DDX46: variants seen among roughly 807,000 people sequenced by gnomAD.
DDX46 encodes the protein probable ATP-dependent RNA helicase DDX46.
A neutral mutation model predicts 134.9 loss-of-function variants in DDX46; 30 were observed. The observed-to-expected ratio is 0.22, with a 90% CI of 0.17 to 0.30. The LOEUF is 0.30. Ranked by LOEUF, DDX46 falls within the 10% of genes least tolerant of loss-of-function variation. The pLI is 1.00. For missense variants in DDX46, 622 were observed against 1,248.7 expected (o/e 0.50, Z 7.56); for synonymous variants, 415 against 404.1 (o/e 1.03, Z -0.32).
intron 18 of DDX46, 122 bp downstream of exon 18, chr5:134,811,967 G>A: frequency 8.2e-7 from 1 of 1,222,232 alleles, no homozygotes; most frequent in Non-Finnish European, 1.1e-6. Flanking sequence ...GTTGGTTCCA[G>A]AACAGTTTTG....
At chr5:134,810,129 C>T (rs1351762898) in intron 16 of DDX46, among the ~76,000 whole-genome samples, 2 of 151,900 alleles carry the variant, frequency 1.3e-5, no homozygotes, top group Admixed American at 1.3e-4. Flanking sequence ...CCCAGGCTGG[C>T]CTCCAACTCC....
chr5:134,779,946 A>G (rs554203269), intron 6 of DDX46, among the ~76,000 whole-genome samples: 8 of 152,220 alleles, frequency 5.3e-5, no homozygotes, highest in Admixed American at 2.6e-4. Flanking sequence ...TAAAAATACA[A>G]GAATTAGCTG....
In DDX46 at chr5:134,779,053, C is replaced by T. The variant is rs180772594; in HGVS notation, c.765+1328C>T. On this transcript the variant is annotated intron_variant, in intron 6 of 22. Transcript: ENST00000452510. ...CTGGGATTACAGGCCCTTGCCACCACGCCCAGCTAATTTTTGTATTTTTAG... is the reference window on the plus strand; with the variant it reads ...CTGGGATTACAGGCCCTTGCCACCATGCCCAGCTAATTTTTGTATTTTTAG... Among the ~76,000 whole-genome samples the T allele has an allele frequency of 8.6e-3, 1,294 of 150,626 alleles. 5 individuals are homozygous for T. Among genetic ancestry groups the T allele is most frequent in the Middle Eastern group, 0.042 (12 of 286 alleles).
intron 14 of DDX46, 117 bp downstream of exon 14, chr5:134,795,131 C>A: frequency 8.6e-7 from 1 of 1,164,004 alleles, no homozygotes. Flanking sequence ...AAGTCGTATA[C>A]CACTACTCTA....
In DDX46 at chr5:134,758,787, G is replaced by T. The variant is rs1252526959; in HGVS notation, c.-152G>T. 5 of 1,245,172 alleles carry T rather than the reference G, an allele frequency of 4.0e-6. No individual in the cohort carries two copies. The Middle Eastern group carries it at 7.0e-4, about 175-fold the overall frequency. The allele number at this position is 1,245,172 out of a possible 1,614,324, so 77.1% of individuals were successfully genotyped here. A position where few individuals can be genotyped will look rare whatever the true frequency, so the allele number is the denominator to read the frequency against. ...GCCGGCGCCAGCACGTCCTGTTTTC[G>T]TTGGCCGCGCTGGGATGGCCGCCAC... On this transcript the variant is annotated 5_prime_UTR_variant, in exon 1 of 23. Coordinates refer to ENST00000452510, the MANE Select transcript of DDX46 (RefSeq NM_001300860.2).
At chr5:134,783,668 G>A (rs1162428655) in intron 9 of DDX46, among the ~76,000 whole-genome samples, 1 of 145,452 alleles carries the variant, frequency 6.9e-6, no homozygotes, top group East Asian at 2.1e-4. Flanking sequence ...TTTTGCCTCA[G>A]CCTCCCAAGT....
In DDX46 at chr5:134,781,635, CCTT is replaced by C. The variant is rs112226704; in HGVS notation, c.880-283_880-281del. ...TTTTAGCTTTATATTGGCATTTTAACCTTCTAAAGGCAAAGAAAAAAAAACTAA... is the reference window on the plus strand; with the variant it reads ...TTTTAGCTTTATATTGGCATTTTAACCTAAAGGCAAAGAAAAAAAAACTAA... On this transcript the variant is annotated intron_variant, in intron 7 of 22. Coordinates refer to ENST00000452510, the MANE Select transcript of DDX46 (RefSeq NM_001300860.2). Among the ~76,000 whole-genome samples the C allele has an allele frequency of 2.4e-3, 371 of 152,194 alleles. 1 individual carries two copies. Among genetic ancestry groups the C allele is most frequent in the African/African-American group, 8.5e-3 (352 of 41,516 alleles).
intron 1 of DDX46, among the ~76,000 whole-genome samples, chr5:134,761,699 G>A (rs1037237029): frequency 3.3e-5 from 5 of 152,058 alleles, no homozygotes; most frequent in African/African-American, 1.2e-4. Flanking sequence ...TTCCCATCTT[G>A]GTAAATGGCA....
chr5:134,770,783 C>A, intron 3 of DDX46, 120 bp from the exon 4 acceptor site: 1 of 810,588 alleles, frequency 1.2e-6, no homozygotes, highest in East Asian at 3.4e-5. Flanking sequence ...TTTCACTCCA[C>A]TCCAGTCTGG....
chr5:134,795,693 C>T (rs1387905876), intron 14 of DDX46, among the ~76,000 whole-genome samples: 1 of 151,948 alleles, frequency 6.6e-6, no homozygotes, highest in African/African-American at 2.4e-5. Flanking sequence ...TAGTGAGACC[C>T]CTGTCTCTAC....
chr5:134,779,123 CTGACCTCAGG>C (rs1754050676), intron 6 of DDX46, among the ~76,000 whole-genome samples: 2 of 152,088 alleles, frequency 1.3e-5, no homozygotes. Flanking sequence ...TCTCGAACTC[CTGACCTCAGG>C]TGATCCACCT....
chr5:134,791,477 C>T (rs974606425), intron 13 of DDX46, among the ~76,000 whole-genome samples: 3 of 151,756 alleles, frequency 2.0e-5, no homozygotes, highest in Non-Finnish European at 2.9e-5. Flanking sequence ...AGGAGAATGG[C>T]GTGAACCCGG....
chr5:134,791,977 G>C (rs1754516406), intron 13 of DDX46, among the ~76,000 whole-genome samples: 1 of 152,128 alleles, frequency 6.6e-6, no homozygotes, highest in Admixed American at 6.5e-5. Context: ...CAGGAGATCA[G>C]CCTAGCCTGG....
chr5:134,812,357 G>T (rs565259848), intron 18 of DDX46, among the ~76,000 whole-genome samples: 2 of 151,958 alleles, frequency 1.3e-5, no homozygotes, highest in Non-Finnish European at 2.9e-5. Flanking sequence ...GAGCCACCTC[G>T]TCTGGCCATG....
At position 134,816,631 on chromosome 5, in the gene DDX46, G is replaced by A. The variant is rs781395803; in HGVS notation, c.2613+25G>A. On this transcript the variant is annotated intron_variant, in intron 19 of 22. Coordinates refer to ENST00000452510, the MANE Select transcript of DDX46 (RefSeq NM_001300860.2). Reference sequence around the variant, plus strand: ...ATTAAGTAATTTGTTCCAAGTCTCAGTCAATACTTTTAAGAAGTTCTTTGA... The same window carrying A: ...ATTAAGTAATTTGTTCCAAGTCTCAATCAATACTTTTAAGAAGTTCTTTGA... The A allele has an allele frequency of 7.5e-6, 12 of 1,598,812 alleles. No homozygotes were observed. In the South Asian group the frequency reaches 1.0e-4, roughly 14 times the overall value.
intron 21 of DDX46, among the ~76,000 whole-genome samples, chr5:134,823,517 C>T (rs1205991504): frequency 6.6e-6 from 1 of 152,164 alleles, no homozygotes; most frequent in Non-Finnish European, 1.5e-5. Context: ...TTTTAAATGG[C>T]ATACAAAGGA....
At chr5:134,785,720 AAAT>A (rs1388090042) in intron 11 of DDX46, 134 bp downstream of exon 11, 2 of 1,061,018 alleles carry the variant, frequency 1.9e-6, no homozygotes, top group Non-Finnish European at 2.6e-6. Flanking sequence ...TGAAGTATAA[AAAT>A]AATAGTAAGA....
intron 13 of DDX46, among the ~76,000 whole-genome samples, chr5:134,792,208 A>G (rs921985199): frequency 2.0e-5 from 3 of 151,998 alleles, no homozygotes; most frequent in Admixed American, 2.0e-4. Context: ...AATAATAGTA[A>G]TAATAATCAG....
rs558761148 is a variant in DDX46 at position 134,819,068 on chromosome 5, C to T, written c.2977+64C>T. The T allele has an allele frequency of 2.4e-5, 37 of 1,559,048 alleles. No homozygotes were observed. The Middle Eastern group carries it at 8.6e-4, about 36-fold the overall frequency. On this transcript the variant is annotated intron_variant, in intron 21 of 22. Transcript: ENST00000452510. ...TCAAGGTTGATGTAGATGTAATAAACGCAAAGAGCATGTGAGGTCAATTCT... is the reference window on the plus strand; with the variant it reads ...TCAAGGTTGATGTAGATGTAATAAATGCAAAGAGCATGTGAGGTCAATTCT...
Sources: gnomAD v4.1 joint callset for allele counts (sites outside exome capture counted in the v4.1 genomes callset) on GRCh38, gnomAD v4.1.1 for gene constraint, MANE v1.5 for transcripts, NCBI Gene and HGNC (gene_info 2026-07-23, HGNC 2026-07-21) for gene names.